The following SPAG7 variants were observed in gnomAD, a reference collection of about 807,000 sequenced individuals.
SPAG7 encodes sperm associated antigen 7.
A neutral mutation model predicts 30.6 loss-of-function variants in SPAG7; 20 were observed. That is an observed-to-expected ratio of 0.65 (90% CI 0.46 to 0.95). SPAG7 has a LOEUF of 0.95. Among genes scored for constraint, SPAG7 ranks in the 40% least tolerant of loss-of-function variants. The pLI is 0.00. For missense variants in SPAG7, 276 were observed against 291.1 expected, an observed-to-expected ratio of 0.95 and a Z score of 0.38; for synonymous variants, 127 against 104.2, an observed-to-expected ratio of 1.22 and a Z score of -1.33.
At chr17:4,962,098 C>T (rs1971873308) in intron 1 of SPAG7, among the ~76,000 whole-genome samples, 1 of 152,066 alleles carries the variant, frequency 6.6e-6, no homozygotes. Flanking sequence ...CTGGGGAAAC[C>T]AATTAACAAA....
chr17:4,960,965 T>C, intron 1 of SPAG7, 112 bp from the exon 2 acceptor site: 1 of 904,336 alleles, frequency 1.1e-6, no homozygotes, highest in Non-Finnish European at 1.8e-6. Flanking sequence ...GCTGGGAAGG[T>C]AGGATTAGCG....
rs1442086042 is a variant in SPAG7, at chr17:4,967,729, T to C, written c.76A>G (p.Lys26Glu). Residue 26 changes from lysine (K) to glutamate (E), a missense_variant, in exon 1 of 7, where the codon AAG (lysine) becomes GAG (glutamate). Physicochemically the swap from Lys to Glu is moderately conservative, Grantham distance 56 (BLOSUM62 1). Coordinates refer to ENST00000206020, the MANE Select transcript of SPAG7 (RefSeq NM_004890.3). The part of the protein sequence containing the change: ...PSLGDQETRR[K>E]AREQAARLKK... ...AATTTGGGATCCTCACCTCGGGCCT[T>C]GCGCCGAGTCTCCTGGTCACCGAGG... 1 of 1,613,616 alleles carries C rather than the reference T, an allele frequency of 6.2e-7. No homozygotes were observed. The highest frequency in any genetic ancestry group is 8.5e-7 in the Non-Finnish European group (1 of 1,179,626).
chr17:4,967,591 A>C, intron 1 of SPAG7, 129 bp downstream of exon 1: 1 of 726,734 alleles, frequency 1.4e-6, no homozygotes, highest in Non-Finnish European at 2.4e-6. Context: ...CCTTTTAGGG[A>C]CTCTGAGGGT....
chr17:4,966,427 G>A (rs1971952821), intron 1 of SPAG7: 1 of 286,188 alleles, frequency 3.5e-6, no homozygotes, highest in Middle Eastern at 1.9e-3. Flanking sequence ...CCTCAGGCGA[G>A]TGACTCATTT....
chr17:4,964,804 C>G (rs1971922378), intron 1 of SPAG7, among the ~76,000 whole-genome samples: 1 of 151,410 alleles, frequency 6.6e-6, no homozygotes, highest in Admixed American at 6.6e-5. Context: ...GGCGCGATCT[C>G]GGCTCACTGC....
At chr17:4,967,584 T>G in intron 1 of SPAG7, 136 bp downstream of exon 1, 4 of 709,928 alleles carry the variant, frequency 5.6e-6, no homozygotes, top group Non-Finnish European at 5.0e-6. Context: ...CAGCAGCCCT[T>G]TTAGGGACTC....
At chr17:4,966,899 C>T (rs764440672) in intron 1 of SPAG7, 139 of 985,498 alleles carry the variant, frequency 1.4e-4, no homozygotes, top group South Asian at 1.9e-4. Context: ...AGGGCTCGTC[C>T]GTGGTCAAGG....
chr17:4,962,778 G>C (rs1237284606), intron 1 of SPAG7, among the ~76,000 whole-genome samples: 1 of 151,880 alleles, frequency 6.6e-6, no homozygotes, highest in Non-Finnish European at 1.5e-5. Flanking sequence ...TCGAACTCCT[G>C]ACCTCGTGAT....
intron 1 of SPAG7, 99 bp from the exon 2 acceptor site, chr17:4,960,952 C>A (rs1184242965): frequency 1.9e-6 from 2 of 1,030,954 alleles, no homozygotes; most frequent in South Asian, 1.3e-5. Flanking sequence ...TGGGAGGTGT[C>A]AGGCTGGGAA....
intron 1 of SPAG7, among the ~76,000 whole-genome samples, chr17:4,965,417 T>C (rs761211640): frequency 3.3e-5 from 5 of 152,020 alleles, no homozygotes; most frequent in Non-Finnish European, 7.4e-5. Context: ...CTTGCAAACA[T>C]TGAGATCTAC....
intron 1 of SPAG7, among the ~76,000 whole-genome samples, chr17:4,961,181 G>A (rs1367660026): frequency 6.6e-6 from 1 of 152,176 alleles, no homozygotes; most frequent in African/African-American, 2.4e-5. Flanking sequence ...TAATAGACCA[G>A]GCATGGTGGC....
chr17:4,960,094 A>G lies in SPAG7; in HGVS notation c.345T>C (p.Asp115=), dbSNP rs1254537855. ...CACGACGGTAAGAGTCTAGCTCTTCATCTGAGGGTGCAAACTCCTGAAGAA... is the reference window on the plus strand; with the variant it reads ...CACGACGGTAAGAGTCTAGCTCTTCGTCTGAGGGTGCAAACTCCTGAAGAA... ...MIFKKEFAPS[D]EELDSYRRGE... The change falls in exon 5 of 7, where the codon GAT becomes GAC. Residue 115 remains aspartate, a synonymous_variant. Transcript: ENST00000206020. 6.2e-7 allele frequency: 1 copy of G among 1,613,956 alleles called. No homozygotes were observed. Among genetic ancestry groups the G allele is most frequent in the East Asian group, 2.2e-5 (1 of 44,886 alleles).
chr17:4,959,954 C>T (rs750728666), intron 5 of SPAG7, 38 bp from the exon 6 acceptor site: 1 of 1,612,974 alleles, frequency 6.2e-7, no homozygotes, highest in Non-Finnish European at 8.5e-7. Flanking sequence ...CTCAGGGCCC[C>T]AGCCCAAACC....
intron 1 of SPAG7, chr17:4,966,581 C>G (rs1431458777): frequency 8.1e-6 from 8 of 984,520 alleles, no homozygotes; most frequent in Non-Finnish European, 7.2e-6. Flanking sequence ...CGCTTTGCTT[C>G]TCTCTCTCAT....
At chr17:4,967,332 G>A in intron 1 of SPAG7, 1 of 591,406 alleles carries the variant, frequency 1.7e-6, no homozygotes. Context: ...ATAGCCAATA[G>A]AGATGAAGGC....
rs1042970910 is a variant in SPAG7 at position 4,960,080 on chromosome 17, G to A, written c.359C>T (p.Ser120Phe). 5 of 1,614,176 alleles carry A rather than the reference G, an allele frequency of 3.1e-6. No homozygotes were observed. The highest frequency in any genetic ancestry group is 2.5e-6 in the Non-Finnish European group (3 of 1,179,984). Residue 120 changes from serine (S) to phenylalanine (F), a missense_variant, in exon 5 of 7, where the codon TCT (serine) becomes TTT (phenylalanine). Physicochemically the swap from Ser to Phe is radical, Grantham distance 155 (BLOSUM62 -2). Transcript: ENST00000206020. The stretch of plus-strand genomic sequence containing the variant: ...GTCCCATTCCTCTCCACGACGGTAA[G>A]AGTCTAGCTCTTCATCTGAGGGTGC... ...EFAPSDEELD[S>F]YRRGEEWDPQ...
chr17:4,960,773 C>T lies in SPAG7; in HGVS notation c.153+13G>A, dbSNP rs770732429. ...TTCCTGAGTCTGCCTTTGATCACTC[C>T]AGTTGTTCTCACCCTTTTACGAAAC... is the stretch of plus-strand genomic sequence containing the variant. On this transcript the variant is annotated intron_variant, in intron 2 of 6. Coordinates refer to ENST00000206020, the MANE Select transcript of SPAG7 (RefSeq NM_004890.3). 13 of 1,611,996 alleles carry T rather than the reference C, an allele frequency of 8.1e-6. No individual in the cohort carries two copies. Among genetic ancestry groups the T allele is most frequent in the Non-Finnish European group, 1.1e-5 (13 of 1,178,088 alleles).
chr17:4,964,757 GAC>G (rs1179305697), intron 1 of SPAG7, among the ~76,000 whole-genome samples: 1 of 150,312 alleles, frequency 6.7e-6, no homozygotes, highest in Non-Finnish European at 1.5e-5. Flanking sequence ...TTTATTTCGA[GAC>G]AGAGTCTCGC....
chr17:4,963,022 C>T (rs1457890090), intron 1 of SPAG7, among the ~76,000 whole-genome samples: 1 of 152,034 alleles, frequency 6.6e-6, no homozygotes, highest in East Asian at 1.9e-4. Context: ...CCACCTTGAC[C>T]TTCCAAAGTG....
Sources: allele counts gnomAD v4.1 joint callset (sites outside exome capture counted in the v4.1 genomes callset), GRCh38; gene constraint gnomAD v4.1.1; transcripts MANE v1.5; gene names NCBI Gene and HGNC (gene_info 2026-07-23, HGNC 2026-07-21).